Variants in MAGI1 observed in about 807,000 individuals in gnomAD.
The protein encoded by MAGI1 is membrane-associated guanylate kinase, WW and PDZ domain-containing protein 1.
Under a neutral mutation model 139.9 loss-of-function variants are expected in MAGI1, and 58 were observed. The observed-to-expected ratio is 0.41, with a 90% CI of 0.34 to 0.52. The LOEUF is 0.52. Ranked by LOEUF, MAGI1 falls within the 20% of genes least tolerant of loss-of-function variation. The probability of loss-of-function intolerance (pLI) is 0.12; values close to 1 mark genes in which losing one functional copy is unlikely to be tolerated. For synonymous variants in MAGI1, 812 were observed against 737.9 expected, an observed-to-expected ratio of 1.10 and a Z score of -1.63; for missense variants, 1,874 against 1,901.6, an observed-to-expected ratio of 0.99 and a Z score of 0.27.
chr3:65,786,096 T>C (rs553729673), intron 1 of MAGI1, among the ~76,000 whole-genome samples: 16 of 151,732 alleles, frequency 1.1e-4, no homozygotes, highest in African/African-American at 3.6e-4. Context: ...GCTGGGATTA[T>C]AGACGCCTAC....
intron 2 of MAGI1, among the ~76,000 whole-genome samples, chr3:65,566,253 C>CA (rs140836403): frequency 0.11 from 16,664 of 148,244 alleles, 1,315 homozygotes; most frequent in African/African-American, 0.22. Flanking sequence ...GACTCTGTCT[C>CA]AAAAAAAAAT....
chr3:65,441,015 C>T (rs1948287188), intron 8 of MAGI1, among the ~76,000 whole-genome samples: 1 of 151,924 alleles, frequency 6.6e-6, no homozygotes, highest in Non-Finnish European at 1.5e-5. Context: ...GGCTGGAGTG[C>T]AGTGGTGCGA....
chr3:65,415,024 A>C (rs1230503853), intron 12 of MAGI1, among the ~76,000 whole-genome samples: 46 of 151,464 alleles, frequency 3.0e-4, no homozygotes, highest in South Asian at 8.3e-4. Context: ...AAAAAACAAA[A>C]AAAAAAAAAA....
At chr3:65,815,647 TA>T (rs1308557812) in intron 1 of MAGI1, among the ~76,000 whole-genome samples, 5 of 152,186 alleles carry the variant, frequency 3.3e-5, no homozygotes, top group African/African-American at 1.2e-4. Flanking sequence ...AAACATGTAA[TA>T]TTTTAAAATA....
chr3:65,592,573 G>A (rs1038661254), intron 2 of MAGI1, among the ~76,000 whole-genome samples: 21 of 152,064 alleles, frequency 1.4e-4, no homozygotes, highest in African/African-American at 5.1e-4. Flanking sequence ...CTTACTGACT[G>A]AACAGGAGGT....
chr3:65,715,097 T>C (rs184053525), intron 1 of MAGI1, among the ~76,000 whole-genome samples: 2 of 152,172 alleles, frequency 1.3e-5, no homozygotes, highest in South Asian at 2.1e-4. Flanking sequence ...AAATGTGGTG[T>C]AGTATACAGA....
At chr3:65,636,078 A>G (rs545217900) in intron 1 of MAGI1, among the ~76,000 whole-genome samples, 2 of 152,338 alleles carry the variant, frequency 1.3e-5, no homozygotes, top group African/African-American at 4.8e-5. Flanking sequence ...TTCAGAAACA[A>G]AAGAGAGAGT....
chr3:65,560,317 T>G (rs919702307), intron 2 of MAGI1, among the ~76,000 whole-genome samples: 1 of 152,198 alleles, frequency 6.6e-6, no homozygotes, highest in Non-Finnish European at 1.5e-5. Context: ...TTAACTGGAT[T>G]GTTTGTAATA....
At chr3:65,950,071 A>AC (rs1560045578) in intron 1 of MAGI1, among the ~76,000 whole-genome samples, 11 of 74,150 alleles carry the variant, frequency 1.5e-4, no homozygotes, top group South Asian at 8.2e-4. Context: ...AAAAAACAAA[A>AC]AAAAAACAAA....
chr3:65,398,303 C>T (rs760471951), intron 13 of MAGI1, among the ~76,000 whole-genome samples: 4 of 152,056 alleles, frequency 2.6e-5, no homozygotes, highest in Non-Finnish European at 5.9e-5. Context: ...CACTTGAGAC[C>T]AGCCTGGGCA....
chr3:65,396,232 A>C (rs1944384317), intron 13 of MAGI1, among the ~76,000 whole-genome samples: 1 of 152,196 alleles, frequency 6.6e-6, no homozygotes, highest in Non-Finnish European at 1.5e-5. Context: ...AGGAATTTCC[A>C]ATGCTAATTG....
intron 1 of MAGI1, among the ~76,000 whole-genome samples, chr3:65,690,728 C>T (rs2088535752): frequency 6.6e-6 from 1 of 151,932 alleles, no homozygotes; most frequent in African/African-American, 2.4e-5. Context: ...GATCCACCTC[C>T]CAATGTGCTG....
intron 2 of MAGI1, among the ~76,000 whole-genome samples, chr3:65,543,757 G>A (rs537592652): frequency 4.1e-5 from 6 of 146,054 alleles, no homozygotes; most frequent in Admixed American, 1.3e-4. Flanking sequence ...GTCAGGGATG[G>A]GGGGGGGTAC....
chr3:65,675,254 T>G (rs773066167), intron 1 of MAGI1, among the ~76,000 whole-genome samples: 3 of 152,196 alleles, frequency 2.0e-5, no homozygotes, highest in Non-Finnish European at 2.9e-5. Context: ...GTTTCAAGTA[T>G]AATTTGAAAC....
chr3:65,558,336 A>G (rs998155421), intron 2 of MAGI1, among the ~76,000 whole-genome samples: 1 of 152,154 alleles, frequency 6.6e-6, no homozygotes, highest in Non-Finnish European at 1.5e-5. Context: ...AGAATTACTA[A>G]GCAAAATACA....
chr3:65,590,299 C>T (rs931517235), intron 2 of MAGI1, among the ~76,000 whole-genome samples: 3 of 152,148 alleles, frequency 2.0e-5, no homozygotes, highest in African/African-American at 7.2e-5. Context: ...TTTTGTACAT[C>T]TTTGTATCTT....
At chr3:65,790,594 G>A (rs1306401191) in intron 1 of MAGI1, among the ~76,000 whole-genome samples, 1 of 152,214 alleles carries the variant, frequency 6.6e-6, no homozygotes, top group South Asian at 2.1e-4. Flanking sequence ...GTTAGATCTT[G>A]ATAAGGTAGC....
At chr3:65,382,240 C>A (rs1293595774) in intron 15 of MAGI1, among the ~76,000 whole-genome samples, 171 bp from the exon 16 acceptor site, 2 of 152,186 alleles carry the variant, frequency 1.3e-5, no homozygotes, top group South Asian at 2.1e-4. Flanking sequence ...TGCAACAATT[C>A]TTAAATGGTG....
chr3:65,906,066 G>A (rs1368685176), intron 1 of MAGI1, among the ~76,000 whole-genome samples: 1 of 152,180 alleles, frequency 6.6e-6, no homozygotes, highest in African/African-American at 2.4e-5. Flanking sequence ...ATTTGAGCAT[G>A]TGTTTTCCAT....
Sources: gnomAD v4.1 joint callset for allele counts (sites outside exome capture counted in the v4.1 genomes callset) on GRCh38, gnomAD v4.1.1 for gene constraint, MANE v1.5 for transcripts, NCBI Gene and HGNC (gene_info 2026-07-23, HGNC 2026-07-21) for gene names.